Variants in GPR143 observed in about 807,000 individuals in gnomAD.
GPR143 encodes the protein G-protein coupled receptor 143.
A neutral mutation model predicts 27.6 loss-of-function variants in GPR143; 8 were observed. The ratio of observed to expected loss-of-function variants is 0.29; its 90% CI spans 0.17 to 0.52. The LOEUF (loss-of-function observed/expected upper bound fraction) is 0.52, where lower values mean the gene tolerates loss of function less well. Ranked by LOEUF, GPR143 falls within the 20% of genes least tolerant of loss-of-function variation. The probability of loss-of-function intolerance (pLI) is 0.96; values close to 1 mark genes in which losing one functional copy is unlikely to be tolerated. For missense variants in GPR143, 303 were observed against 343.1 expected, an observed-to-expected ratio of 0.88 and a Z score of 0.92; for synonymous variants, 156 against 153.2, an observed-to-expected ratio of 1.02 and a Z score of -0.13.
intron 8 of GPR143, among the ~76,000 whole-genome samples, chrX:9,729,069 G>A (rs767129906): frequency 3.6e-4 from 40 of 111,110 alleles, no homozygotes; most frequent in Non-Finnish European, 6.4e-4. Context: ...GCCAGATCCT[G>A]AGGAGAGTCT....
In GPR143 at chrX:9,725,712, G is replaced by A. The variant is rs1352074471; in HGVS notation, c.*34C>T. ...AAAGAACAAGAATTGTTGAGTCTGA[G>A]GAATATGGGGTCTGGACCCCCAGCA... On this transcript the variant is annotated 3_prime_UTR_variant, in exon 9 of 9. Transcript: ENST00000467482. The A allele has an allele frequency of 3.9e-6, 4 of 1,018,916 alleles. No homozygotes were observed. In the East Asian group the frequency reaches 1.2e-4, roughly 31 times the overall value. 84.0% of individuals were successfully genotyped at this position (1,018,916 alleles called of 1,213,427 possible). A position where few individuals can be genotyped will look rare whatever the true frequency, so the allele number is the denominator to read the frequency against.
At chrX:9,734,820 A>C (rs1172524007) in intron 8 of GPR143, among the ~76,000 whole-genome samples, 1 of 110,506 alleles carries the variant, frequency 9.0e-6, no homozygotes, top group African/African-American at 3.3e-5. Flanking sequence ...CCCAGTCCCC[A>C]CCCCTCCTGC....
chrX:9,772,813 CAAAAAAAAAAAA>C (rs57110568), intron 1 of GPR143, among the ~76,000 whole-genome samples: 3 of 49,765 alleles, frequency 6.0e-5, no homozygotes, highest in African/African-American at 1.7e-4. Flanking sequence ...GATCCTGTCT[CAAAAAAAAAAAA>C]AAAAAAAAAA....
chrX:9,775,361 T>A (rs1449819003), intron 1 of GPR143, among the ~76,000 whole-genome samples: 2 of 111,867 alleles, frequency 1.8e-5, no homozygotes, highest in African/African-American at 6.5e-5. Context: ...GGTCTCAGCA[T>A]GGGAAGAGAG....
rs57491053 is a variant in GPR143 at position 9,773,480 on chromosome X, TACACACACACAC to T, written c.-2-12666_-2-12655del. ...GCTCTCTTTGGAGTGGCTTTGAAAGTACACACACACACACACACACACACACACACATAAACA... is the reference window on the plus strand; with the variant it reads ...GCTCTCTTTGGAGTGGCTTTGAAAGTACACACACACACACACACATAAACA... On this transcript the variant is annotated intron_variant, in intron 1 of 7. Coordinates refer to the GPR143 transcript ENST00000447366. Among the ~76,000 whole-genome samples the T allele has an allele frequency of 1.7e-3, 178 of 102,736 alleles. 2 individuals are homozygous for T. The highest frequency in any genetic ancestry group is 3.3e-3 in the Non-Finnish European group (167 of 50,539). The allele number at this position is 102,736 out of a possible 115,157, so 89.2% of individuals were successfully genotyped here. A position where few individuals can be genotyped will look rare whatever the true frequency, so the allele number is the denominator to read the frequency against.
At chrX:9,763,029 G>T (rs1463013275) in intron 1 of GPR143, among the ~76,000 whole-genome samples, 1 of 110,685 alleles carries the variant, frequency 9.0e-6, no homozygotes, top group Non-Finnish European at 1.9e-5. Context: ...GGGCTCAAAT[G>T]GTCCTCCTGC....
chrX:9,772,813 C>CAA lies in GPR143; in HGVS notation c.-2-11989_-2-11988dup, dbSNP rs57110568. Among the ~76,000 whole-genome samples, 333 of 49,643 alleles carry CAA rather than the reference C, an allele frequency of 6.7e-3. 3 individuals carry two copies. Among genetic ancestry groups the CAA allele is most frequent in the African/African-American group, 0.02 (234 of 11,737 alleles). The allele number at this position is 49,643 out of a possible 115,157, so 43.1% of individuals were successfully genotyped here. ...TGGGTAACAGAGCAAGATCCTGTCT[C>CAA]AAAAAAAAAAAAAAAAAAAAAAAGA... is the stretch of plus-strand genomic sequence containing the variant. On this transcript the variant is annotated intron_variant, in intron 1 of 7. Coordinates refer to the GPR143 transcript ENST00000447366.
chrX:9,764,541 CACAG>C (rs1423226742), intron 1 of GPR143, among the ~76,000 whole-genome samples: 3 of 101,784 alleles, frequency 2.9e-5, no homozygotes, highest in African/African-American at 7.5e-5. Flanking sequence ...CACACACACA[CACAG>C]AGCGAGACAG....
At chrX:9,766,931 A>T (rs1024438350), upstream of GPR143, among the ~76,000 whole-genome samples, 118 of 108,462 alleles carry the variant, frequency 1.1e-3, 1 homozygote, top group African/African-American at 3.7e-3. Flanking sequence ...ACACACACAC[A>T]CACACACACA....
intron 4 of GPR143, among the ~76,000 whole-genome samples, 169 bp downstream of exon 4, chrX:9,748,405 G>T (rs947528144): frequency 6.2e-5 from 7 of 113,101 alleles, no homozygotes; most frequent in African/African-American, 1.6e-4. Context: ...CCAAGCTATT[G>T]TAGTCAGCCC....
intron 5 of GPR143, among the ~76,000 whole-genome samples, chrX:9,744,344 T>G (rs1415780799): frequency 9.0e-6 from 1 of 111,264 alleles, no homozygotes; most frequent in African/African-American, 3.3e-5. Context: ...AATAACTAAA[T>G]AAATAAATTC....
At chrX:9,736,895 T>C (rs2083381858) in intron 8 of GPR143, among the ~76,000 whole-genome samples, 1 of 112,364 alleles carries the variant, frequency 8.9e-6, no homozygotes, top group Non-Finnish European at 1.9e-5. Context: ...TTTTCTCCAA[T>C]AGACTGTGAG....
chrX:9,748,600 G>A lies in GPR143; in HGVS notation c.522C>T (p.Ala174=), dbSNP rs377171083. The part of the protein sequence containing the change: ...LATLLCVEGA[A]MLYYPSVSRC... ...TGGACACGGAAGGGTAGTAGAGCATGGCGGCTCCCTCCACACAGAGCAGGG... is the reference window on the plus strand; with the variant it reads ...TGGACACGGAAGGGTAGTAGAGCATAGCGGCTCCCTCCACACAGAGCAGGG... The change falls in exon 4 of 9, where the codon GCC becomes GCT. Residue 174 remains alanine (A), a synonymous_variant. Coordinates refer to ENST00000467482, the MANE Select transcript of GPR143 (RefSeq NM_000273.3). 623 of 1,205,146 alleles carry A rather than the reference G, an allele frequency of 5.2e-4. No homozygotes were observed. The highest frequency in any genetic ancestry group is 6.8e-4 in the Non-Finnish European group (603 of 890,321).
intron 3 of GPR143, among the ~76,000 whole-genome samples, chrX:9,758,795 G>A (rs1055778768): frequency 9.0e-6 from 1 of 110,890 alleles, no homozygotes; most frequent in Non-Finnish European, 1.9e-5. Flanking sequence ...GGCCGAGGTG[G>A]AAGAATCGCT....
chrX:9,755,459 A>C (rs1409497626), intron 3 of GPR143, among the ~76,000 whole-genome samples: 4 of 110,173 alleles, frequency 3.6e-5, no homozygotes. Context: ...AAAAAAGAAA[A>C]GAAAAAAGAA....
intron 1 of GPR143, among the ~76,000 whole-genome samples, chrX:9,774,490 G>A (rs766312517): frequency 1.2e-4 from 13 of 112,489 alleles, no homozygotes; most frequent in African/African-American, 3.9e-4. Context: ...TGCCCCTGGG[G>A]GTGGGCACTT....
intron 8 of GPR143, among the ~76,000 whole-genome samples, chrX:9,736,278 C>A (rs2083379167): frequency 8.9e-6 from 1 of 111,845 alleles, no homozygotes; most frequent in African/African-American, 3.2e-5. Flanking sequence ...TCCTAGGCAG[C>A]AAATTAATTT....
chrX:9,776,868 C>T lies in GPR143; in HGVS notation c.-3+9374G>A, dbSNP rs148342606. ...ACTACAGGTACACCACCATGCCTGG[C>T]TAATTTTTTTCTATTTTTTGTAGAG... On this transcript the variant is annotated intron_variant, in intron 1 of 7. Transcript: ENST00000447366. Among the ~76,000 whole-genome samples, 931 of 111,379 alleles carry T rather than the reference C, an allele frequency of 8.4e-3. 12 individuals carry two copies. Among genetic ancestry groups the T allele is most frequent in the African/African-American group, 0.028 (872 of 30,671 alleles).
Position 9,725,389 on chromosome X carries a change from CAG to C in GPR143, c.*355_*356del, listed in dbSNP as rs2083320571. 1 of 190,637 alleles carries C rather than the reference CAG, an allele frequency of 5.2e-6. No homozygotes were observed. Among genetic ancestry groups the C allele is most frequent in the Non-Finnish European group, 9.6e-6 (1 of 103,721 alleles). 15.7% of individuals were successfully genotyped at this position (190,637 alleles called of 1,213,427 possible). A position where few individuals can be genotyped will look rare whatever the true frequency, so the allele number is the denominator to read the frequency against. On this transcript the variant is annotated 3_prime_UTR_variant, in exon 9 of 9. Coordinates refer to ENST00000467482, the MANE Select transcript of GPR143 (RefSeq NM_000273.3). Reference sequence around the variant, plus strand: ...TTTTCTTTTGCTAGAAGTGTTAAGACAGAATCCAAGTCAGGCTGAGAGCTCAG... The same window carrying C: ...TTTTCTTTTGCTAGAAGTGTTAAGACAATCCAAGTCAGGCTGAGAGCTCAG...
Sources: gnomAD v4.1 joint callset for allele counts (sites outside exome capture counted in the v4.1 genomes callset) on GRCh38, gnomAD v4.1.1 for gene constraint, MANE v1.5 for transcripts, NCBI Gene and HGNC (gene_info 2026-07-23, HGNC 2026-07-21) for gene names.